The following EPHA4 variants were observed in gnomAD, a reference collection of about 807,000 sequenced individuals.
EPHA4 encodes the protein EPH receptor A4, also known as ephrin type-A receptor 4.
EPHA4 carries 19 observed loss-of-function variants against 108.3 expected under a neutral mutation model. The observed-to-expected ratio is 0.18, with a 90% CI of 0.12 to 0.26. EPHA4 has a LOEUF of 0.26. Ranked by LOEUF, EPHA4 falls within the 10% of genes least tolerant of loss-of-function variation. The pLI is 1.00. For synonymous variants in EPHA4, 449 were observed against 455.5 expected, an observed-to-expected ratio of 0.99 and a Z score of 0.18; for missense variants, 917 against 1,254.0, an observed-to-expected ratio of 0.73 and a Z score of 4.06.
intron 4 of EPHA4, among the ~76,000 whole-genome samples, chr2:221,493,325 C>A (rs1181003789): frequency 2.5e-4 from 38 of 152,268 alleles, no homozygotes. Flanking sequence ...CTCCCCAAAT[C>A]CCTTAGCCAG....
At chr2:221,573,810 T>C (rs1487617754), upstream of EPHA4, 1 of 152,218 alleles carries the variant, frequency 6.6e-6, no homozygotes, top group Non-Finnish European at 1.5e-5. The surrounding 1 kb of genome is among the most constrained non-coding windows in gnomAD (Gnocchi z 4.5). Context: ...GGCGAGCTTT[T>C]CAGCCACCGC....
intron 4 of EPHA4, among the ~76,000 whole-genome samples, chr2:221,496,380 G>A (rs1378519999): frequency 6.6e-6 from 1 of 152,096 alleles, no homozygotes; most frequent in Non-Finnish European, 1.5e-5. Flanking sequence ...AGGTTAAATA[G>A]CCACGTGTCA....
chr2:221,478,911 A>G (rs150710607), intron 5 of EPHA4, among the ~76,000 whole-genome samples: 1 of 152,336 alleles, frequency 6.6e-6, no homozygotes, highest in African/African-American at 2.4e-5. Context: ...AAGCTGACAG[A>G]CATTCAGATT....
At chr2:221,551,772 C>T (rs1480518553) in intron 3 of EPHA4, among the ~76,000 whole-genome samples, 2 of 151,932 alleles carry the variant, frequency 1.3e-5, no homozygotes, top group African/African-American at 2.4e-5. Context: ...TGGTTGATTC[C>T]AAATCTTTTA....
At position 221,429,826 on chromosome 2, in the gene EPHA4, A is replaced by G. The variant is rs574047367; in HGVS notation, c.2690+132T>C. The stretch of plus-strand genomic sequence containing the variant: ...ACCTGAAATACTCTACTAATTGAGA[A>G]AGAAGCCACCCAGGTTGCAGAGAGC... On this transcript the variant is annotated intron_variant, in intron 15 of 17. Coordinates refer to ENST00000281821, the MANE Select transcript of EPHA4 (RefSeq NM_004438.5). The G allele has an allele frequency of 4.4e-6, 4 of 901,564 alleles. No homozygotes were observed. In the South Asian group the frequency reaches 6.4e-5, roughly 14 times the overall value. 55.8% of individuals were successfully genotyped at this position (901,564 alleles called of 1,614,324 possible). A position where few individuals can be genotyped will look rare whatever the true frequency, so the allele number is the denominator to read the frequency against.
intron 5 of EPHA4, among the ~76,000 whole-genome samples, chr2:221,471,207 C>G (rs1691477134): frequency 6.6e-6 from 1 of 151,924 alleles, no homozygotes; most frequent in Non-Finnish European, 1.5e-5. Flanking sequence ...AAAGCTATTA[C>G]TGTTTTAGGA....
intron 11 of EPHA4, among the ~76,000 whole-genome samples, chr2:221,438,297 T>C (rs1690310408): frequency 1.3e-5 from 2 of 152,124 alleles, no homozygotes; most frequent in Non-Finnish European, 2.9e-5. Flanking sequence ...GAACCATTCT[T>C]TACCTTCTTG....
chr2:221,532,327 T>C (rs1693547984), intron 3 of EPHA4, among the ~76,000 whole-genome samples: 1 of 152,144 alleles, frequency 6.6e-6, no homozygotes, highest in South Asian at 2.1e-4. Context: ...TTCACCATAA[T>C]GGCCAGACTG....
chr2:221,469,589 A>T (rs1239093562), intron 5 of EPHA4, among the ~76,000 whole-genome samples: 1 of 152,194 alleles, frequency 6.6e-6, no homozygotes, highest in Non-Finnish European at 1.5e-5. Context: ...TGAATATATT[A>T]TAAATTACTC....
At chr2:221,557,074 G>GA (rs1237538878) in intron 3 of EPHA4, among the ~76,000 whole-genome samples, 7 of 151,826 alleles carry the variant, frequency 4.6e-5, no homozygotes, top group South Asian at 4.2e-4. Flanking sequence ...GAGAGAATTA[G>GA]AAAAAAAAGG....
At chr2:221,454,115 C>A (rs78962746) in intron 8 of EPHA4, among the ~76,000 whole-genome samples, 11,746 of 151,796 alleles carry the variant, frequency 0.077, 624 homozygotes, top group East Asian at 0.26. Context: ...AGGAGGCAGA[C>A]GTTGTAGTGA....
chr2:221,466,499 C>A (rs984186430), intron 5 of EPHA4, among the ~76,000 whole-genome samples: 1 of 152,120 alleles, frequency 6.6e-6, no homozygotes, highest in Admixed American at 6.5e-5. Flanking sequence ...CTTGGAAACT[C>A]AGGTACAAAG....
chr2:221,477,550 A>AG (rs774046898), intron 5 of EPHA4, among the ~76,000 whole-genome samples: 5 of 152,122 alleles, frequency 3.3e-5, no homozygotes, highest in Non-Finnish European at 7.4e-5. Context: ...ATTGCCCATT[A>AG]GGGGTAGGAG....
chr2:221,563,701 G>A, intron 3 of EPHA4, 30 bp downstream of exon 3: 2 of 1,605,640 alleles, frequency 1.2e-6, no homozygotes, highest in Non-Finnish European at 1.7e-6. Flanking sequence ...CTAAGCCCCA[G>A]TGAAAAAACT....
At chr2:221,493,736 A>G (rs116494343) in intron 4 of EPHA4, among the ~76,000 whole-genome samples, 35 of 152,318 alleles carry the variant, frequency 2.3e-4, no homozygotes, top group Non-Finnish European at 4.6e-4. Context: ...AGCGCACTAA[A>G]TTCAATTAGA....
intron 3 of EPHA4, among the ~76,000 whole-genome samples, chr2:221,555,137 G>C (rs907805466): frequency 6.6e-6 from 1 of 152,116 alleles, no homozygotes; most frequent in African/African-American, 2.4e-5. Context: ...CATGGGGCAG[G>C]GGGGCCGGAG....
At chr2:221,565,681 C>G (rs774355224) in intron 2 of EPHA4, among the ~76,000 whole-genome samples, 4 of 152,150 alleles carry the variant, frequency 2.6e-5, no homozygotes, top group Non-Finnish European at 5.9e-5. Flanking sequence ...TCCTTTTCAT[C>G]TGCCACCATT....
At chr2:221,474,366 G>A (rs1691593833) in intron 5 of EPHA4, among the ~76,000 whole-genome samples, 1 of 149,198 alleles carries the variant, frequency 6.7e-6, no homozygotes, top group Admixed American at 6.7e-5. Flanking sequence ...GGTAGCAACA[G>A]TATTCTGGAA....
At chr2:221,519,194 G>A (rs947242685) in intron 3 of EPHA4, among the ~76,000 whole-genome samples, 5 of 152,162 alleles carry the variant, frequency 3.3e-5, no homozygotes, top group Admixed American at 2.6e-4. Flanking sequence ...ACAGTGCAGT[G>A]CAACAGCTAG....
Sources: allele counts gnomAD v4.1 joint callset (sites outside exome capture counted in the v4.1 genomes callset), GRCh38; gene constraint gnomAD v4.1.1; non-coding constraint Gnocchi (gnomAD v3.1); transcripts MANE v1.5; gene names NCBI Gene and HGNC (gene_info 2026-07-23, HGNC 2026-07-21).